The following PIP4K2A variants were observed in gnomAD, a reference collection of about 807,000 sequenced individuals.
PIP4K2A encodes phosphatidylinositol 5-phosphate 4-kinase type-2 alpha.
PIP4K2A carries 14 observed loss-of-function variants against 42.9 expected under a neutral mutation model. The observed-to-expected ratio is 0.33, with a 90% CI of 0.22 to 0.51. PIP4K2A has a LOEUF of 0.51. Ranked by LOEUF, PIP4K2A falls within the 20% of genes least tolerant of loss-of-function variation. The probability of loss-of-function intolerance (pLI) is 0.97; values close to 1 mark genes in which losing one functional copy is unlikely to be tolerated. For missense variants in PIP4K2A, 434 were observed against 519.8 expected (o/e 0.83, Z 1.61); for synonymous variants, 192 against 192.2 (o/e 1.00, Z 0.01).
chr10:22,628,515 A>G (rs1179779691), intron 1 of PIP4K2A, among the ~76,000 whole-genome samples: 1 of 152,216 alleles, frequency 6.6e-6, no homozygotes, highest in Non-Finnish European at 1.5e-5. Flanking sequence ...AATATGAGTG[A>G]CCAACGGCTC....
At chr10:22,641,527 G>C (rs983825927) in intron 1 of PIP4K2A, among the ~76,000 whole-genome samples, 1 of 151,618 alleles carries the variant, frequency 6.6e-6, no homozygotes, top group Non-Finnish European at 1.5e-5. Flanking sequence ...CTGCAGCCTT[G>C]AACTCATGGG....
At chr10:22,657,112 C>A (rs542405609) in intron 1 of PIP4K2A, among the ~76,000 whole-genome samples, 1 of 152,202 alleles carries the variant, frequency 6.6e-6, no homozygotes, top group South Asian at 2.1e-4. Context: ...TCTGCCCCAA[C>A]ATCTAATACT....
At chr10:22,579,320 G>A (rs1035698497) in intron 4 of PIP4K2A, among the ~76,000 whole-genome samples, 8 of 152,108 alleles carry the variant, frequency 5.3e-5, no homozygotes, top group South Asian at 2.1e-4. Context: ...GAGCAGAATC[G>A]TAACCCTAGT....
intron 1 of PIP4K2A, among the ~76,000 whole-genome samples, chr10:22,705,919 C>T (rs1455610401): frequency 1.3e-5 from 2 of 151,918 alleles, no homozygotes; most frequent in African/African-American, 2.4e-5. Context: ...TTCTGCAGGG[C>T]TGGGGAGACC....
At chr10:22,617,770 C>A (rs1163104083) in intron 1 of PIP4K2A, among the ~76,000 whole-genome samples, 1 of 152,012 alleles carries the variant, frequency 6.6e-6, no homozygotes. Flanking sequence ...TGGGGGAAGA[C>A]AGGAGATGTC....
chr10:22,634,229 A>C (rs1838614271), intron 1 of PIP4K2A, among the ~76,000 whole-genome samples: 1 of 152,238 alleles, frequency 6.6e-6, no homozygotes, highest in Admixed American at 6.5e-5. Flanking sequence ...GGGACAGAAC[A>C]GAAGTGGCCT....
chr10:22,545,493 A>G (rs1446971553), intron 7 of PIP4K2A, among the ~76,000 whole-genome samples: 1 of 152,230 alleles, frequency 6.6e-6, no homozygotes, highest in Admixed American at 6.5e-5. Context: ...GTTCCTCGCC[A>G]CACCGGGCAG....
rs57671642 is a variant in PIP4K2A, at chr10:22,627,591, T to TAAAAAAAAAAAAAAAAAAAAAAAA, written c.145-17898_145-17875dup. Among the ~76,000 whole-genome samples, 55 of 57,024 alleles carry TAAAAAAAAAAAAAAAAAAAAAAAA rather than the reference T, an allele frequency of 9.6e-4. 9 individuals carry two copies. Among genetic ancestry groups the TAAAAAAAAAAAAAAAAAAAAAAAA allele is most frequent in the East Asian group, 3.8e-3 (4 of 1,042 alleles). The allele number at this position is 57,024 out of a possible 152,430, so 37.4% of individuals were successfully genotyped here. ...TGTTTAACCAAAAGCTAATATGTAA[T>TAAAAAAAAAAAAAAAAAAAAAAAA]AAAAAAAAAAAAAAAAAAAAAAAAA... On this transcript the variant is annotated intron_variant, in intron 1 of 9. Transcript: ENST00000376573.
intron 1 of PIP4K2A, among the ~76,000 whole-genome samples, chr10:22,622,664 A>G (rs562439281): frequency 6.6e-6 from 1 of 152,336 alleles, no homozygotes; most frequent in African/African-American, 2.4e-5. Context: ...CCGCCACTCC[A>G]CATACCCGGG....
intron 4 of PIP4K2A, among the ~76,000 whole-genome samples, chr10:22,585,046 G>C (rs1938821278): frequency 1.3e-5 from 2 of 152,282 alleles, no homozygotes; most frequent in South Asian, 2.1e-4. Flanking sequence ...CAGCCAGTCA[G>C]AGCCCTGATG....
chr10:22,587,727 C>T (rs1022325834), intron 4 of PIP4K2A, among the ~76,000 whole-genome samples: 5 of 152,164 alleles, frequency 3.3e-5, no homozygotes, highest in African/African-American at 1.2e-4. Flanking sequence ...GAAGAACAGC[C>T]TGAAGAACAT....
At chr10:22,680,377 G>T (rs1406277754) in intron 1 of PIP4K2A, among the ~76,000 whole-genome samples, 1 of 152,108 alleles carries the variant, frequency 6.6e-6, no homozygotes, top group Non-Finnish European at 1.5e-5. Flanking sequence ...TTGTGCTTTA[G>T]AATTTTCTAT....
chr10:22,591,508 T>G, intron 4 of PIP4K2A, 121 bp downstream of exon 4: 1 of 749,048 alleles, frequency 1.3e-6, no homozygotes, highest in Non-Finnish European at 2.1e-6. Flanking sequence ...TTAGAGGAGA[T>G]GTTTATGTGA....
At chr10:22,584,716 C>G (rs772011154) in intron 4 of PIP4K2A, among the ~76,000 whole-genome samples, 2 of 152,156 alleles carry the variant, frequency 1.3e-5, no homozygotes, top group Non-Finnish European at 2.9e-5. Context: ...AAATACCTTC[C>G]CCTGTTTCTA....
intron 1 of PIP4K2A, among the ~76,000 whole-genome samples, chr10:22,680,656 T>C (rs1205300781): frequency 1.3e-5 from 2 of 152,228 alleles, no homozygotes; most frequent in East Asian, 3.8e-4. Context: ...TGCCATTTTA[T>C]TGGCTCATAA....
intron 1 of PIP4K2A, among the ~76,000 whole-genome samples, chr10:22,654,297 T>A (rs1160961828): frequency 6.6e-6 from 1 of 152,184 alleles, no homozygotes; most frequent in African/African-American, 2.4e-5. Context: ...CAGATTAAAC[T>A]TCCCCCTAGC....
In PIP4K2A at chr10:22,539,922, A is replaced by AGAGAGAGG. The variant is rs1554792194; in HGVS notation, c.1140+48_1140+49insCCTCTCTC. ...GAGAGAGAGAGAGAGGGAGAGAGAG[A>AGAGAGAGG]GAGAGAGAGGGAGAGAAAGAGAGAA... On this transcript the variant is annotated intron_variant, in intron 9 of 9. Coordinates refer to ENST00000376573, the MANE Select transcript of PIP4K2A (RefSeq NM_005028.5). The AGAGAGAGG allele has an allele frequency of 4.1e-6, 4 of 981,910 alleles. No homozygotes were observed. In the African/African-American group the frequency reaches 6.6e-5, roughly 16 times the overall value. The allele number at this position is 981,910 out of a possible 1,614,324, so 60.8% of individuals were successfully genotyped here.
intron 6 of PIP4K2A, among the ~76,000 whole-genome samples, chr10:22,559,445 A>G (rs1836633308): frequency 6.6e-6 from 1 of 152,224 alleles, no homozygotes; most frequent in Non-Finnish European, 1.5e-5. Flanking sequence ...CATAAGCCAT[A>G]AGTCATAAAG....
In PIP4K2A at chr10:22,541,889, G is replaced by A. The variant is rs138502306; in HGVS notation, c.951C>T (p.Pro317=). 5.5e-4 allele frequency: 884 copies of A among 1,613,356 alleles called. No individual in the cohort carries two copies. Among genetic ancestry groups the A allele is most frequent in the Admixed American group, 8.5e-4 (51 of 59,984 alleles). Residue 317 remains proline (P), a synonymous_variant, in exon 8 of 10, where the codon CCC becomes CCT. Transcript: ENST00000376573. ...GTGGTGAGCTGTTCAGTGTATTCCC[G>A]GGGCTATCTGGGGGGGTTCCCACCG... ...THPVGTPPDS[P]GNTLNSSPPL...
Sources: allele counts gnomAD v4.1 joint callset (sites outside exome capture counted in the v4.1 genomes callset), GRCh38; gene constraint gnomAD v4.1.1; transcripts MANE v1.5; gene names NCBI Gene and HGNC (gene_info 2026-07-23, HGNC 2026-07-21).